The following FOXP2 variants were observed in gnomAD, a reference collection of about 807,000 sequenced individuals.
The protein encoded by FOXP2 is forkhead box protein P2.
Under a neutral mutation model 115.8 loss-of-function variants are expected in FOXP2, and 12 were observed. That is an observed-to-expected ratio of 0.10 (90% confidence interval 0.07 to 0.17). FOXP2 has a LOEUF of 0.17. Among genes scored for constraint, FOXP2 ranks in the 10% least tolerant of loss-of-function variants. FOXP2 has a pLI of 1.00. For missense variants in FOXP2, 629 were observed against 843.5 expected (o/e 0.75, Z 3.15); for synonymous variants, 328 against 297.7 (o/e 1.10, Z -1.05).
chr7:114,631,739 A>T (rs1244639617), intron 6 of FOXP2, 34 bp downstream of exon 6: 1 of 1,607,430 alleles, frequency 6.2e-7, no homozygotes, highest in Non-Finnish European at 8.5e-7. Flanking sequence ...CTTCATTTCA[A>T]ATCTTGTACT....
At chr7:114,483,526 T>G (rs1796644132) in intron 2 of FOXP2, among the ~76,000 whole-genome samples, 1 of 151,738 alleles carries the variant, frequency 6.6e-6, no homozygotes. Context: ...TCTCTCTTCA[T>G]TCATATATCC....
intron 1 of FOXP2, among the ~76,000 whole-genome samples, chr7:114,129,470 A>G (rs576387609): frequency 1.1e-4 from 16 of 152,300 alleles, no homozygotes; most frequent in Admixed American, 6.5e-4. Context: ...AATGCCATAT[A>G]GCAGGTCTTA....
chr7:114,613,140 A>G (rs192515579), intron 3 of FOXP2, among the ~76,000 whole-genome samples: 5 of 152,212 alleles, frequency 3.3e-5, no homozygotes, highest in Admixed American at 1.3e-4. Context: ...AATTATTTAT[A>G]ATCTTAATGT....
chr7:114,406,089 G>A (rs888668549), intron 2 of FOXP2, among the ~76,000 whole-genome samples: 2 of 109,372 alleles, frequency 1.8e-5, no homozygotes, highest in African/African-American at 5.9e-5. Flanking sequence ...AGTATGATTT[G>A]TATATGCAAC....
At chr7:114,107,603 A>C (rs180781601) in intron 1 of FOXP2, among the ~76,000 whole-genome samples, 11 of 152,066 alleles carry the variant, frequency 7.2e-5, no homozygotes, top group Admixed American at 3.9e-4. Flanking sequence ...TACTGAGGAG[A>C]TATGTGCTCA....
At position 114,264,499 on chromosome 7, in the gene FOXP2, C is replaced by T. The variant is rs150351332; in HGVS notation, c.-101-23520C>T. Among the ~76,000 whole-genome samples, 18 of 152,320 alleles carry T rather than the reference C, an allele frequency of 1.2e-4. 1 individual carries two copies. In the East Asian group the frequency reaches 3.5e-3, roughly 29 times the overall value. On this transcript the variant is annotated intron_variant, in intron 1 of 17. Transcript: ENST00000634411. ...CTTTAATGTCTGGGCCAAATGTTAA[C>T]TCCTCATCAAGCCTTTCCTGATCTT...
chr7:114,195,619 C>G (rs969248001), intron 1 of FOXP2, among the ~76,000 whole-genome samples: 1 of 151,790 alleles, frequency 6.6e-6, no homozygotes, highest in African/African-American at 2.4e-5. Flanking sequence ...GTTGTTTTTC[C>G]CTCTTATTTA....
chr7:114,285,957 A>T (rs543790582), intron 1 of FOXP2, among the ~76,000 whole-genome samples: 105 of 152,116 alleles, frequency 6.9e-4, no homozygotes, highest in African/African-American at 2.5e-3. Context: ...AATTAATTTT[A>T]TGTCTTATCA....
At chr7:114,478,385 A>T (rs1228885364) in intron 2 of FOXP2, among the ~76,000 whole-genome samples, 1 of 151,860 alleles carries the variant, frequency 6.6e-6, no homozygotes, top group Non-Finnish European at 1.5e-5. Flanking sequence ...TAAGAAACAA[A>T]GGAATTTAAA....
intron 2 of FOXP2, among the ~76,000 whole-genome samples, chr7:114,406,832 TA>T (rs1246359378): frequency 2.0e-5 from 3 of 152,022 alleles, no homozygotes; most frequent in Non-Finnish European, 4.4e-5. Flanking sequence ...CTCCCTAGCC[TA>T]AGTCTCTGTC....
chr7:114,471,558 C>T (rs957169571), intron 2 of FOXP2, among the ~76,000 whole-genome samples: 1 of 152,184 alleles, frequency 6.6e-6, no homozygotes, highest in African/African-American at 2.4e-5. Context: ...TTGTCTTCCT[C>T]ATGAAAAGTT....
At position 114,102,437 on chromosome 7, in the gene FOXP2, G is replaced by A. The variant is rs562404652; in HGVS notation, c.-247+14599G>A. The stretch of plus-strand genomic sequence containing the variant: ...TTGATCTCTATTGCACTTTCTCACC[G>A]CCATTATACTATAAAAGCAGTTATG... On this transcript the variant is annotated intron_variant, in intron 1 of 19. Transcript: ENST00000635638. Among the ~76,000 whole-genome samples, 11 of 151,826 alleles carry A rather than the reference G, an allele frequency of 7.2e-5. No homozygotes were observed. The East Asian group carries it at 1.4e-3, about 19-fold the overall frequency.
intron 1 of FOXP2, among the ~76,000 whole-genome samples, chr7:114,184,578 A>G (rs532892484): frequency 6.6e-6 from 1 of 152,276 alleles, no homozygotes; most frequent in African/African-American, 2.4e-5. Flanking sequence ...GGGTTACTGG[A>G]AGGAAGGTAG....
intron 2 of FOXP2, among the ~76,000 whole-genome samples, chr7:114,528,004 G>A (rs1306555153): frequency 6.6e-6 from 1 of 151,776 alleles, no homozygotes; most frequent in African/African-American, 2.4e-5. Context: ...GTATTGTCCT[G>A]GGCCAGGCTT....
intron 1 of FOXP2, among the ~76,000 whole-genome samples, chr7:114,101,404 C>T (rs912145161): frequency 1.3e-5 from 2 of 152,060 alleles, no homozygotes; most frequent in Non-Finnish European, 2.9e-5. Flanking sequence ...TTGATTTACT[C>T]CAAGTTGGCC....
At chr7:114,461,320 A>G (rs1795550101) in intron 2 of FOXP2, among the ~76,000 whole-genome samples, 1 of 152,172 alleles carries the variant, frequency 6.6e-6, no homozygotes, top group Non-Finnish European at 1.5e-5. Context: ...TGATCACATA[A>G]GAGTTTGTTC....
intron 16 of FOXP2, among the ~76,000 whole-genome samples, chr7:114,678,966 C>G (rs1468307634): frequency 6.6e-6 from 1 of 152,046 alleles, no homozygotes; most frequent in African/African-American, 2.4e-5. Flanking sequence ...CTTCTATCTC[C>G]TTGGTAGAGC....
chr7:114,617,450 A>G (rs892157408), intron 3 of FOXP2, among the ~76,000 whole-genome samples: 2 of 152,190 alleles, frequency 1.3e-5, no homozygotes, highest in East Asian at 1.9e-4. Context: ...ATCTGATCAT[A>G]TCAATGTTCT....
chr7:114,196,073 C>T (rs1436922609), intron 1 of FOXP2, among the ~76,000 whole-genome samples: 4 of 152,064 alleles, frequency 2.6e-5, no homozygotes, highest in Admixed American at 6.6e-5. Flanking sequence ...AATGTGATGG[C>T]GTGATCTCGG....
Sources: gnomAD v4.1 joint callset for allele counts (sites outside exome capture counted in the v4.1 genomes callset) on GRCh38, gnomAD v4.1.1 for gene constraint, MANE v1.5 for transcripts, NCBI Gene and HGNC (gene_info 2026-07-23, HGNC 2026-07-21) for gene names.